The following TXNDC16 variants were observed in gnomAD, a reference collection of about 807,000 sequenced individuals.
TXNDC16 encodes thioredoxin domain containing 16, also known as thioredoxin domain-containing protein 16.
In TXNDC16, 74 loss-of-function variants were observed where a neutral mutation model predicts 85.6. That is an observed-to-expected ratio of 0.86 (90% CI 0.72 to 1.05). TXNDC16 has a LOEUF of 1.05. Among genes scored for constraint, TXNDC16 ranks in the 50% least tolerant of loss-of-function variants. The pLI is 0.00. For synonymous variants in TXNDC16, 335 were observed against 326.5 expected, an observed-to-expected ratio of 1.03 and a Z score of -0.28; for missense variants, 959 against 947.0, an observed-to-expected ratio of 1.01 and a Z score of -0.17.
Position 52,470,697 on chromosome 14 carries a change from T to G in TXNDC16, c.1313-17A>C. ...TAGATGTGCCTAAATAAAAGGAAAA[T>G]GCACATTTGTAATTACTAATTGTAG... On this transcript the variant is annotated splice_polypyrimidine_tract_variant and intron_variant, in intron 14 of 20. Transcript: ENST00000281741. 1 of 1,584,720 alleles carries G rather than the reference T, an allele frequency of 6.3e-7. No homozygotes were observed. Among genetic ancestry groups the G allele is most frequent in the Non-Finnish European group, 8.6e-7 (1 of 1,167,282 alleles).
Position 52,431,212 on chromosome 14 carries a change from C to A in TXNDC16, c.*1092G>T, listed in dbSNP as rs1310156259. The A allele has an allele frequency of 6.6e-6, 1 of 152,194 alleles. No individual in the cohort carries two copies. Among genetic ancestry groups the A allele is most frequent in the African/African-American group, 2.4e-5 (1 of 41,450 alleles). 9.4% of individuals were successfully genotyped at this position (152,194 alleles called of 1,614,324 possible). ...AGGCCGTGTGGCTCAGGGAGATCAA[C>A]TGATTTGTCTGAAGCTTGCAAGGGT... is the stretch of plus-strand genomic sequence containing the variant. On this transcript the variant is annotated 3_prime_UTR_variant, in exon 21 of 21. Coordinates refer to ENST00000281741, the MANE Select transcript of TXNDC16 (RefSeq NM_020784.3).
intron 16 of TXNDC16, among the ~76,000 whole-genome samples, chr14:52,465,328 C>T (rs1478474946): frequency 6.6e-6 from 1 of 152,156 alleles, no homozygotes; most frequent in Non-Finnish European, 1.5e-5. Context: ...CGCAGTGGCT[C>T]ACGCCTGCAA....
chr14:52,523,827 A>C (rs576048343), intron 6 of TXNDC16, among the ~76,000 whole-genome samples: 21 of 152,192 alleles, frequency 1.4e-4, no homozygotes, highest in Non-Finnish European at 1.0e-4. Flanking sequence ...CCCATTTTTA[A>C]CAACCAAAAA....
intron 18 of TXNDC16, among the ~76,000 whole-genome samples, chr14:52,449,302 T>C (rs2035355350): frequency 6.6e-6 from 1 of 152,092 alleles, no homozygotes; most frequent in East Asian, 1.9e-4. Flanking sequence ...GTCGTTATAC[T>C]GATATCAGAC....
At chr14:52,442,457 TA>T (rs2035189189) in intron 18 of TXNDC16, among the ~76,000 whole-genome samples, 1 of 152,222 alleles carries the variant, frequency 6.6e-6, no homozygotes, top group Non-Finnish European at 1.5e-5. Context: ...AACTTGTTTT[TA>T]ATGGTGTCAC....
rs772908539 is a variant in TXNDC16, at chr14:52,542,466, A to G, written c.161-13T>C. On this transcript the variant is annotated splice_polypyrimidine_tract_variant and intron_variant, in intron 3 of 20. Transcript: ENST00000281741. Reference sequence around the variant, plus strand: ...GTTCTTGGGGAATCTAAAACAACAAATGTTTCATGAATGTTTATGAATTGC... The same window carrying G: ...GTTCTTGGGGAATCTAAAACAACAAGTGTTTCATGAATGTTTATGAATTGC... The G allele has an allele frequency of 1.9e-6, 3 of 1,591,870 alleles. No homozygotes were observed. The South Asian group carries it at 3.3e-5, about 18-fold the overall frequency.
intron 12 of TXNDC16, among the ~76,000 whole-genome samples, chr14:52,484,307 C>T (rs1419813623): frequency 6.6e-6 from 1 of 151,848 alleles, no homozygotes; most frequent in African/African-American, 2.4e-5. Flanking sequence ...GTTCGTAATT[C>T]TCTGTAACAA....
chr14:52,440,741 A>G lies in TXNDC16; in HGVS notation c.1843-17T>C, dbSNP rs2035145800. ...GATTTCCGGCTGTCAAAGAAAAGGA[A>G]TAACAACAATAAAAAATGCATTGGG... is the stretch of plus-strand genomic sequence containing the variant. On this transcript the variant is annotated splice_polypyrimidine_tract_variant and intron_variant, in intron 18 of 20. Coordinates refer to ENST00000281741, the MANE Select transcript of TXNDC16 (RefSeq NM_020784.3). 4 of 1,599,898 alleles carry G rather than the reference A, an allele frequency of 2.5e-6. No individual in the cohort carries two copies. The South Asian group carries it at 3.4e-5, about 14-fold the overall frequency.
chr14:52,484,202 G>GC (rs1199755636), intron 12 of TXNDC16, among the ~76,000 whole-genome samples: 1 of 150,772 alleles, frequency 6.6e-6, no homozygotes, highest in African/African-American at 2.4e-5. Flanking sequence ...ACAATAAGGG[G>GC]GGGGGGTGAT....
At chr14:52,456,293 C>T (rs1011840793) in intron 17 of TXNDC16, among the ~76,000 whole-genome samples, 1 of 152,014 alleles carries the variant, frequency 6.6e-6, no homozygotes, top group Non-Finnish European at 1.5e-5. Flanking sequence ...CTCTTTGGAC[C>T]ACAGCTAGAC....
intron 9 of TXNDC16, among the ~76,000 whole-genome samples, chr14:52,491,292 C>T (rs1181833914): frequency 1.3e-5 from 2 of 151,640 alleles, no homozygotes; most frequent in Non-Finnish European, 2.9e-5. Context: ...AACAATCCTC[C>T]CACCTCAGCC....
chr14:52,466,917 C>CGTTT (rs2035790317), intron 16 of TXNDC16, among the ~76,000 whole-genome samples: 1 of 151,280 alleles, frequency 6.6e-6, no homozygotes. Context: ...AAGCATAAAA[C>CGTTT]AAGCAGCAGA....
At chr14:52,492,289 T>C (rs771442831) in intron 9 of TXNDC16, among the ~76,000 whole-genome samples, 20 of 152,300 alleles carry the variant, frequency 1.3e-4, no homozygotes, top group Non-Finnish European at 2.2e-4. Context: ...ATTTGTATCC[T>C]TTTTGGGGGA....
chr14:52,449,749 G>A (rs1381606371), intron 18 of TXNDC16, among the ~76,000 whole-genome samples: 1 of 151,992 alleles, frequency 6.6e-6, no homozygotes, highest in Non-Finnish European at 1.5e-5. Context: ...ATAATATCAA[G>A]CATCTTCTCT....
chr14:52,537,207 T>A (rs2037723414), intron 5 of TXNDC16, among the ~76,000 whole-genome samples: 1 of 152,106 alleles, frequency 6.6e-6, no homozygotes, highest in Non-Finnish European at 1.5e-5. Flanking sequence ...CCCAAGGATT[T>A]GAGAAACCTC....
At chr14:52,535,305 T>C (rs2037674494) in intron 6 of TXNDC16, among the ~76,000 whole-genome samples, 2 of 152,142 alleles carry the variant, frequency 1.3e-5, no homozygotes, top group Admixed American at 1.3e-4. Flanking sequence ...AATTCCTTCC[T>C]CAAAAGACCA....
rs1250049473 is a variant in TXNDC16 at position 52,491,186 on chromosome 14, G to A, written c.757-181C>T. Among the ~76,000 whole-genome samples the A allele has an allele frequency of 2.6e-5, 4 of 151,594 alleles. No homozygotes were observed. The East Asian group carries it at 7.7e-4, about 29-fold the overall frequency. On this transcript the variant is annotated intron_variant, in intron 9 of 20. Coordinates refer to ENST00000281741, the MANE Select transcript of TXNDC16 (RefSeq NM_020784.3). Reference sequence around the variant, plus strand: ...GCTCCCAATGCACCTATATAGTTTTGTTTGTTTGTTTTTTGAGACAGAATC... The same window carrying A: ...GCTCCCAATGCACCTATATAGTTTTATTTGTTTGTTTTTTGAGACAGAATC...
intron 7 of TXNDC16, among the ~76,000 whole-genome samples, chr14:52,515,826 T>G (rs962228842): frequency 6.6e-6 from 1 of 151,892 alleles, no homozygotes; most frequent in Non-Finnish European, 1.5e-5. Context: ...TGTAAACATA[T>G]CCCATCCCAA....
chr14:52,540,964 A>T (rs2037817979), intron 4 of TXNDC16, among the ~76,000 whole-genome samples: 1 of 151,878 alleles, frequency 6.6e-6, no homozygotes, highest in Non-Finnish European at 1.5e-5. Flanking sequence ...GGCCGGGTGC[A>T]GTGGCTCATG....
Sources: gnomAD v4.1 joint callset for allele counts (sites outside exome capture counted in the v4.1 genomes callset) on GRCh38, gnomAD v4.1.1 for gene constraint, MANE v1.5 for transcripts, NCBI Gene and HGNC (gene_info 2026-07-23, HGNC 2026-07-21) for gene names.